GRID2: variants seen among roughly 807,000 people sequenced by gnomAD.
The protein encoded by GRID2 is glutamate ionotropic receptor delta type subunit 2.
In GRID2, 33 loss-of-function variants were observed where a neutral mutation model predicts 114.8. That is an observed-to-expected ratio of 0.29 (90% CI 0.22 to 0.38). GRID2 has a LOEUF of 0.38. Among genes scored for constraint, GRID2 ranks in the 10% least tolerant of loss-of-function variants. GRID2 has a pLI of 1.00. For missense variants in GRID2, 1,184 were observed against 1,257.7 expected (o/e 0.94, Z 0.89); for synonymous variants, 505 against 449.9 (o/e 1.12, Z -1.55).
chr4:92,967,628 A>G (rs1753239841), intron 2 of GRID2, among the ~76,000 whole-genome samples: 1 of 151,978 alleles, frequency 6.6e-6, no homozygotes, highest in African/African-American at 2.4e-5. Flanking sequence ...GCATTTCGTG[A>G]GTTCTAATAT....
chr4:92,707,356 G>A (rs74933931), intron 2 of GRID2, among the ~76,000 whole-genome samples: 13,796 of 152,050 alleles, frequency 0.091, 781 homozygotes, highest in Middle Eastern at 0.17. Flanking sequence ...TAAATGGATA[G>A]CAAAATTTTG....
chr4:92,438,578 C>CTG (rs34304139), intron 1 of GRID2, among the ~76,000 whole-genome samples: 24,127 of 146,830 alleles, frequency 0.16, 1,884 homozygotes, highest in Middle Eastern at 0.21. Context: ...AGTTTACCTT[C>CTG]TGTGTGTGTG....
At chr4:92,656,293 T>C (rs1338100734) in intron 2 of GRID2, among the ~76,000 whole-genome samples, 1 of 151,658 alleles carries the variant, frequency 6.6e-6, no homozygotes, top group Non-Finnish European at 1.5e-5. Flanking sequence ...TCTCTGATGA[T>C]AATAAACATC....
chr4:92,318,284 A>ATG (rs34920848), intron 1 of GRID2, among the ~76,000 whole-genome samples: 510 of 139,134 alleles, frequency 3.7e-3, no homozygotes, highest in African/African-American at 0.01. Context: ...TTGGATATAT[A>ATG]TGTGTGTATA....
At chr4:92,592,871 A>G (rs989741465) in intron 2 of GRID2, among the ~76,000 whole-genome samples, 4 of 152,060 alleles carry the variant, frequency 2.6e-5, no homozygotes, top group Non-Finnish European at 4.4e-5. Flanking sequence ...AAAATATTCT[A>G]TTGAAAGATA....
At chr4:93,368,646 A>G (rs1318776407) in intron 8 of GRID2, among the ~76,000 whole-genome samples, 1 of 152,158 alleles carries the variant, frequency 6.6e-6, no homozygotes, top group African/African-American at 2.4e-5. Flanking sequence ...GTAGTTAAGT[A>G]AAACAATAAA....
chr4:92,757,793 T>A (rs946862790), intron 2 of GRID2, among the ~76,000 whole-genome samples: 1 of 151,956 alleles, frequency 6.6e-6, no homozygotes, highest in Admixed American at 6.6e-5. Flanking sequence ...GCTGTGTTTT[T>A]GGAAGCAGGG....
At chr4:93,210,864 T>C (rs1483312422) in intron 5 of GRID2, among the ~76,000 whole-genome samples, 1 of 152,084 alleles carries the variant, frequency 6.6e-6, no homozygotes, top group Admixed American at 6.6e-5. Flanking sequence ...TTTTTTGAAA[T>C]AAGGATTCTT....
intron 14 of GRID2, among the ~76,000 whole-genome samples, chr4:93,676,901 C>G (rs1052882005): frequency 2.0e-5 from 3 of 152,080 alleles, no homozygotes; most frequent in African/African-American, 7.2e-5. Context: ...GGGTTCATCT[C>G]ACTAGGGAGT....
intron 2 of GRID2, among the ~76,000 whole-genome samples, chr4:92,600,040 G>A (rs1374227014): frequency 0.03 from 2,135 of 70,538 alleles, 50 homozygotes; most frequent in South Asian, 0.067. Flanking sequence ...GTGTGTGTGT[G>A]TGTGTATATA....
intron 4 of GRID2, among the ~76,000 whole-genome samples, chr4:93,123,251 T>C (rs1009875497): frequency 3.7e-4 from 56 of 152,288 alleles, no homozygotes; most frequent in African/African-American, 1.3e-3. Context: ...TTTTACTTTA[T>C]ACTAAGTTCT....
At chr4:93,345,264 T>C (rs1227756814) in intron 8 of GRID2, among the ~76,000 whole-genome samples, 1 of 152,082 alleles carries the variant, frequency 6.6e-6, no homozygotes, top group Non-Finnish European at 1.5e-5. Flanking sequence ...CTAATTTAAA[T>C]TTCCACTAAC....
intron 2 of GRID2, among the ~76,000 whole-genome samples, chr4:92,914,632 T>C (rs1272742892): frequency 6.6e-6 from 1 of 152,106 alleles, no homozygotes; most frequent in Admixed American, 6.6e-5. Flanking sequence ...TGTGTGTTCT[T>C]ATCATTTAGT....
chr4:93,387,581 G>T (rs952991375), intron 8 of GRID2, among the ~76,000 whole-genome samples: 1 of 152,100 alleles, frequency 6.6e-6, no homozygotes, highest in Non-Finnish European at 1.5e-5. Flanking sequence ...TGTAATCCCA[G>T]CACTTTGGGA....
intron 1 of GRID2, among the ~76,000 whole-genome samples, chr4:92,440,693 G>C (rs151244465): frequency 0.12 from 18,903 of 151,696 alleles, 1,713 homozygotes; most frequent in African/African-American, 0.26. Context: ...GGTGTGTGGT[G>C]ATTAGGCCTG....
At chr4:92,476,859 G>T (rs974208026) in intron 1 of GRID2, among the ~76,000 whole-genome samples, 9 of 152,014 alleles carry the variant, frequency 5.9e-5, no homozygotes, top group Non-Finnish European at 1.5e-5. Context: ...ATTCATTTAG[G>T]AACGAAAATG....
intron 2 of GRID2, among the ~76,000 whole-genome samples, chr4:92,756,592 A>T (rs1052919851): frequency 3.9e-5 from 6 of 152,158 alleles, no homozygotes; most frequent in Non-Finnish European, 7.4e-5. Context: ...TTTTCTCTGC[A>T]TCTTTGCCAG....
rs142579029 is a variant in GRID2 at position 93,181,040 on chromosome 4, C to A, written c.736-26364C>A. Among the ~76,000 whole-genome samples, 633 of 152,124 alleles carry A rather than the reference C, an allele frequency of 4.2e-3. 8 individuals carry two copies. Among genetic ancestry groups the A allele is most frequent in the African/African-American group, 0.015 (611 of 41,532 alleles). On this transcript the variant is annotated intron_variant, in intron 4 of 15. Transcript: ENST00000282020. ...CCAGAAAGTTTTCAATTTACTCTGCCCAAATATATCAGAAGAATCACCTAT... is the reference window on the plus strand; with the variant it reads ...CCAGAAAGTTTTCAATTTACTCTGCACAAATATATCAGAAGAATCACCTAT...
intron 2 of GRID2, among the ~76,000 whole-genome samples, chr4:92,910,154 T>C (rs749173334): frequency 6.6e-6 from 1 of 151,938 alleles, no homozygotes; most frequent in African/African-American, 2.4e-5. Flanking sequence ...TGGAAGAGCA[T>C]TGATGACCAG....
Sources: allele counts gnomAD v4.1 joint callset (sites outside exome capture counted in the v4.1 genomes callset), GRCh38; gene constraint gnomAD v4.1.1; transcripts MANE v1.5; gene names NCBI Gene and HGNC (gene_info 2026-07-23, HGNC 2026-07-21).